OPCML: variants seen among roughly 807,000 people sequenced by gnomAD.
OPCML encodes the protein opioid-binding protein/cell adhesion molecule.
A neutral mutation model predicts 37.8 loss-of-function variants in OPCML; 13 were observed. The observed-to-expected ratio is 0.34, with a 90% CI of 0.22 to 0.55. The LOEUF (loss-of-function observed/expected upper bound fraction) is 0.55. Among genes scored for constraint, OPCML ranks in the 20% least tolerant of loss-of-function variants. The pLI, the probability that OPCML is intolerant of heterozygous loss-of-function variation, is 0.91. For missense variants in OPCML, 341 were observed against 435.6 expected, an observed-to-expected ratio of 0.78 and a Z score of 1.93; for synonymous variants, 176 against 168.8, an observed-to-expected ratio of 1.04 and a Z score of -0.33.
intron 7 of OPCML, among the ~76,000 whole-genome samples, chr11:132,423,114 G>A (rs1293717011): frequency 1.3e-5 from 2 of 152,158 alleles, no homozygotes; most frequent in East Asian, 3.8e-4. Flanking sequence ...AAAGAAAACC[G>A]TCAACACGTG....
chr11:133,485,373 A>AT (rs35257293), intron 1 of OPCML, among the ~76,000 whole-genome samples: 1 of 152,166 alleles, frequency 6.6e-6, no homozygotes, highest in African/African-American at 2.4e-5. Flanking sequence ...TTATGGAGGA[A>AT]TTTTTTTAAT....
At chr11:132,422,365 G>C (rs1203557549) in intron 7 of OPCML, among the ~76,000 whole-genome samples, 2 of 152,210 alleles carry the variant, frequency 1.3e-5, no homozygotes, top group African/African-American at 2.4e-5. Flanking sequence ...GGGGCTCAGA[G>C]AGAGAAGGAG....
chr11:132,697,134 C>A lies in OPCML; in HGVS notation c.147-39815G>T, dbSNP rs561268145. Among the ~76,000 whole-genome samples, 200 of 152,236 alleles carry A rather than the reference C, an allele frequency of 1.3e-3. 2 individuals carry two copies. The Middle Eastern group carries it at 0.017, about 13-fold the overall frequency. ...TTTTAAAATGAAAATTTCCCCGTTTCATTGAGGTATAATTGACAAAGAAAA... is the reference window on the plus strand; with the variant it reads ...TTTTAAAATGAAAATTTCCCCGTTTAATTGAGGTATAATTGACAAAGAAAA... On this transcript the variant is annotated intron_variant, in intron 2 of 7. Transcript: ENST00000524381.
At chr11:132,992,463 C>T (rs75616982) in intron 1 of OPCML, among the ~76,000 whole-genome samples, 127 of 152,188 alleles carry the variant, frequency 8.3e-4, no homozygotes, top group African/African-American at 2.9e-3. Flanking sequence ...TACTTATACA[C>T]GCATCTATTT....
chr11:132,759,773 A>G (rs1411339113), intron 2 of OPCML, among the ~76,000 whole-genome samples: 2 of 151,942 alleles, frequency 1.3e-5, no homozygotes, highest in African/African-American at 4.8e-5. Context: ...GATTTTTTGA[A>G]GGGTTTTTCG....
At chr11:132,802,957 A>C (rs1938762185) in intron 2 of OPCML, among the ~76,000 whole-genome samples, 1 of 152,208 alleles carries the variant, frequency 6.6e-6, no homozygotes, top group Non-Finnish European at 1.5e-5. Context: ...TAAAGGTAGA[A>C]AAATAAGAAC....
intron 1 of OPCML, among the ~76,000 whole-genome samples, chr11:133,485,410 A>C (rs900697492): frequency 6.6e-6 from 1 of 152,212 alleles, no homozygotes; most frequent in East Asian, 1.9e-4. Flanking sequence ...GAAGTCACCC[A>C]TGATGAACTA....
intron 2 of OPCML, among the ~76,000 whole-genome samples, chr11:132,764,963 G>A (rs1946386125): frequency 6.6e-6 from 1 of 152,228 alleles, no homozygotes; most frequent in Non-Finnish European, 1.5e-5. Flanking sequence ...GCCTGCCTCT[G>A]ACACTGTCCT....
intron 1 of OPCML, among the ~76,000 whole-genome samples, chr11:133,390,201 G>A (rs1342148438): frequency 2.0e-5 from 3 of 152,228 alleles, no homozygotes; most frequent in Admixed American, 2.0e-4. Context: ...GCTCACGCCT[G>A]TAATCCCGGC....
At chr11:132,701,613 T>C (rs1358875332) in intron 2 of OPCML, among the ~76,000 whole-genome samples, 1 of 152,194 alleles carries the variant, frequency 6.6e-6, no homozygotes, top group Non-Finnish European at 1.5e-5. Flanking sequence ...CCACTCTATG[T>C]CTTTTGATTG....
intron 1 of OPCML, among the ~76,000 whole-genome samples, chr11:133,438,675 G>A (rs1186887212): frequency 6.6e-6 from 1 of 152,074 alleles, no homozygotes; most frequent in Non-Finnish European, 1.5e-5. Context: ...ACTCTTTGAG[G>A]GCCCTAGGTC....
At chr11:132,752,178 T>G (rs1340400825) in intron 2 of OPCML, among the ~76,000 whole-genome samples, 1 of 152,068 alleles carries the variant, frequency 6.6e-6, no homozygotes, top group Non-Finnish European at 1.5e-5. Context: ...TTTGTGCAGT[T>G]TGGATGATAG....
At chr11:133,109,838 T>A (rs10736607) in intron 1 of OPCML, among the ~76,000 whole-genome samples, 141,491 of 152,294 alleles carry the variant, frequency 0.93, 65,848 homozygotes, top group East Asian at 1. Context: ...AATGTAAATT[T>A]AAATTTATCT....
At chr11:132,962,867 C>T (rs963084816) in intron 1 of OPCML, among the ~76,000 whole-genome samples, 1 of 152,202 alleles carries the variant, frequency 6.6e-6, no homozygotes, top group Non-Finnish European at 1.5e-5. Flanking sequence ...CTTTTTGCTT[C>T]AGCATCTCCA....
chr11:133,044,263 G>A (rs563963222), intron 1 of OPCML, among the ~76,000 whole-genome samples: 1 of 152,160 alleles, frequency 6.6e-6, no homozygotes, highest in Non-Finnish European at 1.5e-5. Context: ...CTAGAGAAAG[G>A]GGTAAAAGAT....
At chr11:132,867,282 C>T (rs1942604983) in intron 2 of OPCML, among the ~76,000 whole-genome samples, 1 of 152,104 alleles carries the variant, frequency 6.6e-6, no homozygotes, top group South Asian at 2.1e-4. Context: ...GAACTCAATT[C>T]ATTAAAATGA....
At chr11:133,472,082 G>C (rs1242449131) in intron 1 of OPCML, among the ~76,000 whole-genome samples, 3 of 152,028 alleles carry the variant, frequency 2.0e-5, no homozygotes, top group South Asian at 4.1e-4. Flanking sequence ...AGTTAAGTTT[G>C]ATTTTTTTTT....
chr11:132,946,249 G>T, intron 1 of OPCML, among the ~76,000 whole-genome samples: 1 of 152,150 alleles, frequency 6.6e-6, no homozygotes, highest in East Asian at 1.9e-4. Context: ...TCCTATGATG[G>T]CAATGCCTTC....
chr11:133,005,543 T>C, intron 1 of OPCML: 2 of 985,314 alleles, frequency 2.0e-6, no homozygotes, highest in Non-Finnish European at 2.4e-6. Context: ...TTTCCATAGC[T>C]AAGACATATT....
Sources: allele counts gnomAD v4.1 joint callset (sites outside exome capture counted in the v4.1 genomes callset), GRCh38; gene constraint gnomAD v4.1.1; transcripts MANE v1.5; gene names NCBI Gene and HGNC (gene_info 2026-07-23, HGNC 2026-07-21).